ELAPOR1: variants seen among roughly 807,000 people sequenced by gnomAD.
ELAPOR1 encodes endosome/lysosome-associated apoptosis and autophagy regulator 1.
ELAPOR1 carries 77 observed loss-of-function variants against 119.7 expected under a neutral mutation model. The ratio of observed to expected loss-of-function variants is 0.64; its 90% CI spans 0.54 to 0.78. ELAPOR1 has a LOEUF of 0.78. Among genes scored for constraint, ELAPOR1 ranks in the 30% least tolerant of loss-of-function variants. The pLI is 0.00. For synonymous variants in ELAPOR1, 481 were observed against 487.2 expected, an observed-to-expected ratio of 0.99 and a Z score of 0.17; for missense variants, 1,115 against 1,270.4, an observed-to-expected ratio of 0.88 and a Z score of 1.86.
chr1:109,144,059 ATAT>A (rs1239205154), intron 1 of ELAPOR1, among the ~76,000 whole-genome samples: 33 of 34,422 alleles, frequency 9.6e-4, no homozygotes, highest in African/African-American at 1.7e-3. Flanking sequence ...ATATATTTAT[ATAT>A]TTTTTTTTTT....
intron 1 of ELAPOR1, among the ~76,000 whole-genome samples, chr1:109,134,584 C>G (rs1472689362): frequency 6.6e-6 from 1 of 152,146 alleles, no homozygotes; most frequent in Non-Finnish European, 1.5e-5. Flanking sequence ...ATGGCAGTGC[C>G]CCGTTGGCCT....
intron 1 of ELAPOR1, among the ~76,000 whole-genome samples, chr1:109,131,979 A>G (rs913352260): frequency 2.0e-5 from 3 of 152,212 alleles, no homozygotes; most frequent in Non-Finnish European, 4.4e-5. Flanking sequence ...TGTGGTAAGG[A>G]GAAAGATTAG....
intron 3 of ELAPOR1, among the ~76,000 whole-genome samples, chr1:109,171,572 C>T (rs1222532513): frequency 2.0e-5 from 3 of 152,036 alleles, no homozygotes; most frequent in Non-Finnish European, 2.9e-5. Flanking sequence ...AGATGTTAGC[C>T]CTCCCCAACT....
intron 21 of ELAPOR1, chr1:109,201,340 G>A (rs773945827): frequency 8.3e-5 from 38 of 456,396 alleles, no homozygotes; most frequent in South Asian, 5.9e-4. Flanking sequence ...CAGTCCTTTG[G>A]GAGCTGAATC....
chr1:109,123,299 A>G (rs1475022704), intron 1 of ELAPOR1, among the ~76,000 whole-genome samples: 1 of 152,244 alleles, frequency 6.6e-6, no homozygotes, highest in Non-Finnish European at 1.5e-5. Flanking sequence ...CAATGGACCT[A>G]TAGTTATAAA....
chr1:109,194,450 C>T lies in ELAPOR1; in HGVS notation c.1977C>T (p.Thr659=). The part of the protein sequence containing the change: ...KIHSLCYNDC[T]FSRNTPTRTF... Reference sequence around the variant, plus strand: ...ACTCTCTGTGCTACAACGATTGCACCTTCTCACGCAACACTCCGACCAGGA... The same window carrying T: ...ACTCTCTGTGCTACAACGATTGCACTTTCTCACGCAACACTCCGACCAGGA... Residue 659 remains threonine, a synonymous_variant, in exon 15 of 22, where the codon ACC becomes ACT. Transcript: ENST00000369939. The T allele has an allele frequency of 6.2e-7, 1 of 1,613,870 alleles. No individual in the cohort carries two copies. Among genetic ancestry groups the T allele is most frequent in the South Asian group, 1.1e-5 (1 of 91,082 alleles).
chr1:109,160,383 AT>A (rs1022264878), intron 1 of ELAPOR1, among the ~76,000 whole-genome samples: 1 of 152,098 alleles, frequency 6.6e-6, no homozygotes, highest in African/African-American at 2.4e-5. Context: ...CTAAGACACC[AT>A]TTTTTTAATG....
At chr1:109,177,456 A>G (rs1455694283) in intron 7 of ELAPOR1, among the ~76,000 whole-genome samples, 2 of 116,634 alleles carry the variant, frequency 1.7e-5, no homozygotes, top group African/African-American at 7.7e-5. Context: ...ATCTCAGACG[A>G]TGGGTGGCCG....
intron 1 of ELAPOR1, among the ~76,000 whole-genome samples, chr1:109,159,384 G>A (rs1651103328): frequency 6.6e-6 from 1 of 152,174 alleles, no homozygotes; most frequent in South Asian, 2.1e-4. Context: ...AGACCCAGGG[G>A]ACATCAAATG....
intron 1 of ELAPOR1, among the ~76,000 whole-genome samples, chr1:109,147,294 G>T (rs1650236198): frequency 6.6e-6 from 1 of 152,126 alleles, no homozygotes; most frequent in Non-Finnish European, 1.5e-5. Context: ...GCCATGAAAA[G>T]ATATGGAGGA....
chr1:109,157,981 A>G (rs1650985225), intron 1 of ELAPOR1, among the ~76,000 whole-genome samples: 1 of 152,130 alleles, frequency 6.6e-6, no homozygotes. Context: ...TCAACCTCCC[A>G]GGCTCAGGTC....
At chr1:109,129,811 G>A (rs1297010422) in intron 1 of ELAPOR1, among the ~76,000 whole-genome samples, 1 of 152,218 alleles carries the variant, frequency 6.6e-6, no homozygotes, top group Non-Finnish European at 1.5e-5. Flanking sequence ...TTAGAAAGGA[G>A]AAATAAGACG....
At chr1:109,161,767 C>T (rs1407040509) in intron 1 of ELAPOR1, 127 bp from the exon 2 acceptor site, 17 of 1,127,612 alleles carry the variant, frequency 1.5e-5, no homozygotes, top group South Asian at 1.5e-4. Context: ...AGCTCCCTGC[C>T]CGGGGTCCCA....
At chr1:109,170,027 A>G (rs1651832363) in intron 3 of ELAPOR1, among the ~76,000 whole-genome samples, 1 of 152,236 alleles carries the variant, frequency 6.6e-6, no homozygotes, top group Admixed American at 6.5e-5. Context: ...GGATGTGTGA[A>G]TATGGATGAA....
chr1:109,183,636 C>CCTTTCTTT (rs150843023), intron 7 of ELAPOR1, among the ~76,000 whole-genome samples: 1 of 133,898 alleles, frequency 7.5e-6, no homozygotes, highest in Admixed American at 7.5e-5. Flanking sequence ...TTCCTTCCTT[C>CCTTTCTTT]CTAACAGAGT....
intron 1 of ELAPOR1, chr1:109,161,653 C>G: frequency 5.6e-6 from 2 of 359,192 alleles, no homozygotes; most frequent in Non-Finnish European, 1.1e-5. Flanking sequence ...AACATAACAA[C>G]AAAGAGAGTC....
Position 109,114,301 on chromosome 1 carries a change from C to G in ELAPOR1, c.118C>G (p.Gln40Glu). ...GGCTGGGACCGCCTTCCAGGTGACCCAGGGAACGGGACCGGAGCTTCATGC... is the reference window on the plus strand; with the variant it reads ...GGCTGGGACCGCCTTCCAGGTGACCGAGGGAACGGGACCGGAGCTTCATGC... Reference protein sequence around the residue: ...LWAGTAFQVTQGTGPELHACK... With the variant: ...LWAGTAFQVTEGTGPELHACK... Residue 40 changes from glutamine (Q) to glutamate (E), a missense_variant, in exon 1 of 22, where the codon CAG becomes GAG. Transcript: ENST00000369939. The G allele has an allele frequency of 1.2e-6, 2 of 1,600,836 alleles. No homozygotes were observed. The highest frequency in any genetic ancestry group is 1.7e-6 in the Non-Finnish European group (2 of 1,174,034).
At chr1:109,168,193 T>C (rs891060670) in intron 3 of ELAPOR1, among the ~76,000 whole-genome samples, 1 of 152,168 alleles carries the variant, frequency 6.6e-6, no homozygotes, top group African/African-American at 2.4e-5. Context: ...CTCAGGTCTC[T>C]ACCTAAAAAT....
intron 1 of ELAPOR1, among the ~76,000 whole-genome samples, chr1:109,129,967 G>T (rs972246057): frequency 2.6e-5 from 4 of 152,136 alleles, no homozygotes; most frequent in African/African-American, 7.2e-5. Flanking sequence ...CCCTCTGAAG[G>T]TTCTAGGGAA....
Sources: gnomAD v4.1 joint callset for allele counts (sites outside exome capture counted in the v4.1 genomes callset) on GRCh38, gnomAD v4.1.1 for gene constraint, MANE v1.5 for transcripts, NCBI Gene and HGNC (gene_info 2026-07-23, HGNC 2026-07-21) for gene names.